Variants in GOLGA1 observed in about 807,000 individuals in gnomAD.
GOLGA1 encodes golgin A1.
GOLGA1 carries 63 observed loss-of-function variants against 119.7 expected under a neutral mutation model. The ratio of observed to expected loss-of-function variants is 0.53; its 90% CI spans 0.43 to 0.65. The LOEUF (loss-of-function observed/expected upper bound fraction) is 0.65, where lower values mean the gene tolerates loss of function less well. Ranked by LOEUF, GOLGA1 falls within the 30% of genes least tolerant of loss-of-function variation. The pLI is 0.00. For missense variants in GOLGA1, 798 were observed against 912.8 expected (o/e 0.87, Z 1.62); for synonymous variants, 318 against 333.4 (o/e 0.95, Z 0.50).
chr9:124,923,649 T>C (rs1314676223), intron 7 of GOLGA1, among the ~76,000 whole-genome samples: 1 of 151,790 alleles, frequency 6.6e-6, no homozygotes, highest in Non-Finnish European at 1.5e-5. Context: ...AACAATTACG[T>C]AGAACTTTTT....
chr9:124,898,452 T>A (rs991244671), intron 15 of GOLGA1, 97 bp downstream of exon 15: 1 of 717,042 alleles, frequency 1.4e-6, no homozygotes. Flanking sequence ...CTAATTCTCC[T>A]CCTCCTGTAC....
At chr9:124,943,906 A>AT (rs1323193264), upstream of GOLGA1, 5 of 152,234 alleles carry the variant, frequency 3.3e-5, no homozygotes, top group Admixed American at 3.3e-4. Context: ...GCTTCATCTG[A>AT]TTCAATGATT....
rs1337828749 is a variant in GOLGA1 at position 124,879,436 on chromosome 9, G to A, written c.*1094C>T. ...TGTAGTGTCATTTTAAGTATTTGGG[G>A]TGGGATGAGGGAGAGAGAGCAGCTC... On this transcript the variant is annotated 3_prime_UTR_variant, in exon 23 of 23. Transcript: ENST00000373555. 2.0e-5 allele frequency: 3 copies of A among 152,016 alleles called. No homozygotes were observed. The highest frequency in any genetic ancestry group is 2.0e-4 in the Admixed American group (3 of 15,238). The allele number at this position is 152,016 out of a possible 1,614,324, so 9.4% of individuals were successfully genotyped here. A position where few individuals can be genotyped will look rare whatever the true frequency, so the allele number is the denominator to read the frequency against.
At chr9:124,923,250 C>A in intron 7 of GOLGA1, 27 bp from the exon 8 acceptor site, 1 of 1,553,434 alleles carries the variant, frequency 6.4e-7, no homozygotes, top group South Asian at 1.2e-5. Flanking sequence ...GACATCAACT[C>A]AGGCAACGAA....
Position 124,908,663 on chromosome 9 carries a change from C to T in GOLGA1, c.970-191G>A, listed in dbSNP as rs78535911. Among the ~76,000 whole-genome samples, 366 of 152,314 alleles carry T rather than the reference C, an allele frequency of 2.4e-3. 1 individual carries two copies. The highest frequency in any genetic ancestry group is 8.4e-3 in the African/African-American group (349 of 41,560). ...AGATAAATTTGAAATAGTCCCTTGA[C>T]CTTGAGGCTGGAACAAAAGACTAAT... On this transcript the variant is annotated intron_variant, in intron 11 of 22. Coordinates refer to ENST00000373555, the MANE Select transcript of GOLGA1 (RefSeq NM_002077.4).
chr9:124,940,728 C>G (rs1830994075), intron 1 of GOLGA1, among the ~76,000 whole-genome samples: 1 of 152,224 alleles, frequency 6.6e-6, no homozygotes, highest in Non-Finnish European at 1.5e-5. Flanking sequence ...AGCAAGGAAA[C>G]TGAGCCCTAG....
At position 124,888,860 on chromosome 9, in the gene GOLGA1, T is replaced by G. The variant is rs988170834; in HGVS notation, c.1761+283A>C. 6.6e-6 allele frequency among the ~76,000 whole-genome samples: 1 copy of G among 152,084 alleles called. No individual in the cohort carries two copies. Among genetic ancestry groups the G allele is most frequent in the African/African-American group, 2.4e-5 (1 of 41,410 alleles). On this transcript the variant is annotated intron_variant, in intron 18 of 22. Transcript: ENST00000373555. This position sits in a 1 kb window ranked among gnomAD's most constrained non-coding sequence, Gnocchi z 4.4. ...GACTACAGGCACTCGCCACCACGCCTAGCTAATTTTTTGTATTTTTAGTAG... is the reference window on the plus strand; with the variant it reads ...GACTACAGGCACTCGCCACCACGCCGAGCTAATTTTTTGTATTTTTAGTAG...
chr9:124,890,949 G>A (rs1829842415), intron 15 of GOLGA1, among the ~76,000 whole-genome samples: 1 of 152,130 alleles, frequency 6.6e-6, no homozygotes, highest in African/African-American at 2.4e-5. Context: ...GAACCCAGGA[G>A]TTCAAGGCCA....
At chr9:124,928,852 C>G (rs573670795) in intron 5 of GOLGA1, among the ~76,000 whole-genome samples, 1 of 152,192 alleles carries the variant, frequency 6.6e-6, no homozygotes, top group Admixed American at 6.5e-5. Flanking sequence ...AGGGATTTCT[C>G]CCAGTTACTC....
At chr9:124,894,455 TGGTAC>T (rs1829921211) in intron 15 of GOLGA1, among the ~76,000 whole-genome samples, 1 of 152,014 alleles carries the variant, frequency 6.6e-6, no homozygotes, top group African/African-American at 2.4e-5. Flanking sequence ...TGGAGTGCAG[TGGTAC>T]GATCTTGCAC....
chr9:124,881,309 G>GT lies in GOLGA1; in HGVS notation c.2137-53dup. The GT allele has an allele frequency of 9.6e-7, 1 of 1,038,620 alleles. No homozygotes were observed. Among genetic ancestry groups the GT allele is most frequent in the Non-Finnish European group, 1.5e-6 (1 of 653,738 alleles). The allele number at this position is 1,038,620 out of a possible 1,614,324, so 64.3% of individuals were successfully genotyped here. On this transcript the variant is annotated intron_variant, in intron 21 of 22. Coordinates refer to ENST00000373555, the MANE Select transcript of GOLGA1 (RefSeq NM_002077.4). This position sits in a 1 kb window ranked among gnomAD's most constrained non-coding sequence, Gnocchi z 4.9. ...TAGGCCTTGGTGAAGGTGAGGCGGG[G>GT]TGGGGTCGGGGGAGCTACGTGGCAT...
chr9:124,916,241 T>C (rs1830443635), intron 10 of GOLGA1, among the ~76,000 whole-genome samples: 1 of 151,584 alleles, frequency 6.6e-6, no homozygotes. Flanking sequence ...AGTTGAAAGA[T>C]AATGGCTACA....
At chr9:124,925,243 T>A (rs1467253966) in intron 7 of GOLGA1, among the ~76,000 whole-genome samples, 1 of 152,170 alleles carries the variant, frequency 6.6e-6, no homozygotes, top group Non-Finnish European at 1.5e-5. Flanking sequence ...AAAAAAACAG[T>A]TCAATGAGAA....
At chr9:124,884,131 T>A (rs1171925181) in intron 19 of GOLGA1, among the ~76,000 whole-genome samples, 1 of 149,032 alleles carries the variant, frequency 6.7e-6, no homozygotes, top group African/African-American at 2.5e-5. Context: ...CCCACCTCAG[T>A]CTCCTGAGTA....
At position 124,928,168 on chromosome 9, in the gene GOLGA1, C is replaced by A; in HGVS notation, c.399+20G>T. ...GTGAAATCTTTCCACCAGTTCTGGG[C>A]AGTGCCACATATAAAATACCTGGTC... On this transcript the variant is annotated intron_variant, in intron 6 of 22. Transcript: ENST00000373555. 2 of 1,105,538 alleles carry A rather than the reference C, an allele frequency of 1.8e-6. No individual in the cohort carries two copies. The highest frequency in any genetic ancestry group is 3.1e-5 in the African/African-American group (2 of 64,226). The allele number at this position is 1,105,538 out of a possible 1,614,324, so 68.5% of individuals were successfully genotyped here. A position where few individuals can be genotyped will look rare whatever the true frequency, so the allele number is the denominator to read the frequency against.
chr9:124,937,972 A>G (rs1830910917), intron 3 of GOLGA1, among the ~76,000 whole-genome samples: 1 of 151,504 alleles, frequency 6.6e-6, no homozygotes, highest in Non-Finnish European at 1.5e-5. Flanking sequence ...AGTCCCAGCT[A>G]CTCGGGAGGC....
chr9:124,887,146 G>T (rs545428003), intron 19 of GOLGA1, among the ~76,000 whole-genome samples: 4 of 152,222 alleles, frequency 2.6e-5, no homozygotes, highest in Non-Finnish European at 5.9e-5. Context: ...CAGACCCGAC[G>T]CTGAACAAGG....
At chr9:124,898,929 C>G (rs117778573) in intron 14 of GOLGA1, among the ~76,000 whole-genome samples, 1,727 of 152,208 alleles carry the variant, frequency 0.011, 88 homozygotes, top group Admixed American at 0.083. Context: ...GGTGCGGTGG[C>G]TCATGCCTAT....
chr9:124,929,287 T>C lies in GOLGA1; in HGVS notation c.230A>G (p.Tyr77Cys), dbSNP rs1159916155. ...CTGCAAGTTTCGGACCTGTTCAGCA[T>C]AGTCTTGGGTGAGGAGGGTGACGCA... ...IRKLEARLSD[Y>C]AEQVRNLQKI... The change falls in exon 5 of 23, where the codon TAT becomes TGT. Residue 77 changes from tyrosine (Y) to cysteine (C), a missense_variant. Coordinates refer to ENST00000373555, the MANE Select transcript of GOLGA1 (RefSeq NM_002077.4). The C allele has an allele frequency of 1.9e-6, 3 of 1,602,612 alleles. No homozygotes were observed. The highest frequency in any genetic ancestry group is 2.6e-6 in the Non-Finnish European group (3 of 1,169,678).
Sources: gnomAD v4.1 joint callset for allele counts (sites outside exome capture counted in the v4.1 genomes callset) on GRCh38, gnomAD v4.1.1 for gene constraint, Gnocchi (gnomAD v3.1) non-coding constraint, MANE v1.5 for transcripts, NCBI Gene and HGNC (gene_info 2026-07-23, HGNC 2026-07-21) for gene names.